Variants in LATS1 observed in about 807,000 individuals in gnomAD.
The protein encoded by LATS1 is serine/threonine-protein kinase LATS1.
A neutral mutation model predicts 106.6 loss-of-function variants in LATS1; 25 were observed. The observed-to-expected ratio is 0.23, with a 90% CI of 0.17 to 0.33. The LOEUF is 0.33. LATS1 is among the 10% of genes least tolerant of loss of function. The pLI, the probability that LATS1 is intolerant of heterozygous loss-of-function variation, is 1.00. For missense variants in LATS1, 1,040 were observed against 1,382.6 expected (o/e 0.75, Z 3.93); for synonymous variants, 465 against 455.6 (o/e 1.02, Z -0.26).
At chr6:149,699,307 TGTCTG>T (rs1007772134) in intron 2 of LATS1, among the ~76,000 whole-genome samples, 2 of 152,124 alleles carry the variant, frequency 1.3e-5, no homozygotes, top group Admixed American at 1.3e-4. Context: ...ACTTCTGCAC[TGTCTG>T]GGAAGTGAGG....
intron 7 of LATS1, among the ~76,000 whole-genome samples, chr6:149,663,324 A>C (rs975395424): frequency 1.3e-5 from 2 of 152,162 alleles, no homozygotes; most frequent in Middle Eastern, 3.2e-3. Context: ...ATCTACAAAA[A>C]ATACAAAAGT....
At chr6:149,690,213 C>CTTTTTTTTT (rs201743580) in intron 3 of LATS1, among the ~76,000 whole-genome samples, 1 of 125,470 alleles carries the variant, frequency 8.0e-6, no homozygotes, top group Non-Finnish European at 1.6e-5. Context: ...TTCTTTTTTT[C>CTTTTTTTTT]TTTTTTTTTT....
chr6:149,667,382 T>C (rs1781207863), intron 7 of LATS1, among the ~76,000 whole-genome samples: 1 of 127,742 alleles, frequency 7.8e-6, no homozygotes, highest in Non-Finnish European at 1.5e-5. Flanking sequence ...GAGGTTGCAG[T>C]GAGCTGAAAT....
In LATS1 at chr6:149,695,054, T is replaced by C. The variant is rs141183859; in HGVS notation, c.496+20A>G. 4,043 of 1,559,792 alleles carry C rather than the reference T, an allele frequency of 2.6e-3. 11 individuals are homozygous for C. The highest frequency in any genetic ancestry group is 3.1e-3 in the Non-Finnish European group (3,597 of 1,157,222). ...CACAGTAAAAGAAGAGATGAGAAAA[T>C]AAAATATTTGATTAATCACCTGGTT... On this transcript the variant is annotated intron_variant, in intron 3 of 7. Coordinates refer to ENST00000543571, the MANE Select transcript of LATS1 (RefSeq NM_004690.4).
At position 149,695,187 on chromosome 6, in the gene LATS1, T is replaced by C. The variant is rs1782987306; in HGVS notation, c.383A>G (p.Asn128Ser). ...MVIQALQKTN[N>S]RSIEAAIEFI... ...TTCAATTGCTGCTTCTATACTTCTG[T>C]TGTTAGTTTTCTGAAGAGCTTGTAT... The change falls in exon 3 of 8, where the codon AAC becomes AGC. Residue 128 changes from asparagine to serine, a missense_variant. Around this residue, in one of 7 missense-constraint regions of LATS1, gnomAD observed 624 missense variants for 714.8 expected, o/e 0.87. Transcript: ENST00000543571. 1 of 1,608,684 alleles carries C rather than the reference T, an allele frequency of 6.2e-7. No individual in the cohort carries two copies. The highest frequency in any genetic ancestry group is 8.5e-7 in the Non-Finnish European group (1 of 1,176,404).
chr6:149,677,934 C>T (rs1225015006), intron 5 of LATS1, among the ~76,000 whole-genome samples: 2 of 151,296 alleles, frequency 1.3e-5, no homozygotes, highest in Non-Finnish European at 2.9e-5. Context: ...GCAGGAGAAT[C>T]GCTTGAGCCC....
chr6:149,699,558 A>G (rs1166742965), intron 2 of LATS1, among the ~76,000 whole-genome samples: 1 of 152,230 alleles, frequency 6.6e-6, no homozygotes, highest in Non-Finnish European at 1.5e-5. Context: ...AATACTTTCA[A>G]TAAAGCAATC....
intron 5 of LATS1, among the ~76,000 whole-genome samples, chr6:149,677,610 C>A (rs1394403138): frequency 6.6e-6 from 1 of 152,050 alleles, no homozygotes; most frequent in Admixed American, 6.6e-5. Flanking sequence ...GTGAAGATAG[C>A]CAGGAAGCAG....
Position 149,660,480 on chromosome 6 carries a change from T to C in LATS1, c.*1249A>G, listed in dbSNP as rs1780845437. 4.3e-6 allele frequency: 1 copy of C among 232,990 alleles called. No homozygotes were observed. Among genetic ancestry groups the C allele is most frequent in the Non-Finnish European group, 8.5e-6 (1 of 117,986 alleles). The allele number at this position is 232,990 out of a possible 1,614,324, so 14.4% of individuals were successfully genotyped here. A position where few individuals can be genotyped will look rare whatever the true frequency, so the allele number is the denominator to read the frequency against. ...TTTGATAAAAACAATCCCTTATCAGTGGAGCTTAAGAAAAGGAAATAAAAC... is the reference window on the plus strand; with the variant it reads ...TTTGATAAAAACAATCCCTTATCAGCGGAGCTTAAGAAAAGGAAATAAAAC... On this transcript the variant is annotated 3_prime_UTR_variant, in exon 8 of 8. Coordinates refer to ENST00000543571, the MANE Select transcript of LATS1 (RefSeq NM_004690.4).
At chr6:149,695,246 A>C in intron 2 of LATS1, 25 bp from the exon 3 acceptor site, 1 of 1,476,146 alleles carries the variant, frequency 6.8e-7, no homozygotes, top group Non-Finnish European at 9.3e-7. Context: ...AGTTTAAAAA[A>C]AAAGAAACAA....
chr6:149,712,089 A>G (rs1274975272), intron 1 of LATS1, among the ~76,000 whole-genome samples: 1 of 152,238 alleles, frequency 6.6e-6, no homozygotes, highest in Non-Finnish European at 1.5e-5. Flanking sequence ...TGTGGATAAT[A>G]GGACCCATGA....
intron 3 of LATS1, among the ~76,000 whole-genome samples, chr6:149,694,318 T>C (rs553956807): frequency 7.2e-5 from 11 of 152,148 alleles, no homozygotes; most frequent in Non-Finnish European, 1.2e-4. Context: ...ATGAAGTATA[T>C]GATACATCTT....
chr6:149,716,647 A>G (rs187746435), intron 1 of LATS1, among the ~76,000 whole-genome samples: 1 of 152,344 alleles, frequency 6.6e-6, no homozygotes, highest in East Asian at 1.9e-4. Context: ...ATGTAGTAGA[A>G]GTATTTTTTG....
chr6:149,666,377 G>C (rs1480842538), intron 7 of LATS1, among the ~76,000 whole-genome samples: 1 of 151,972 alleles, frequency 6.6e-6, no homozygotes, highest in African/African-American at 2.4e-5. Flanking sequence ...CAGCACTTTG[G>C]GAGGCTGAGG....
chr6:149,676,402 A>G, intron 6 of LATS1, 36 bp from the exon 7 acceptor site: 1 of 1,450,826 alleles, frequency 6.9e-7, no homozygotes, highest in Non-Finnish European at 9.6e-7. Context: ...CACTTTAAAA[A>G]TGCTCAGAAT....
At position 149,696,084 on chromosome 6, in the gene LATS1, TTTAG is replaced by T. The variant is rs567895557; in HGVS notation, c.349-867_349-864del. Among the ~76,000 whole-genome samples, 951 of 151,600 alleles carry T rather than the reference TTTAG, an allele frequency of 6.3e-3. 10 individuals carry two copies. Among genetic ancestry groups the T allele is most frequent in the African/African-American group, 0.022 (903 of 41,350 alleles). On this transcript the variant is annotated intron_variant, in intron 2 of 7. Transcript: ENST00000543571. ...CCAGGCCTGGCTTATTTTTTATACT[TTTAG>T]TAGAGACAGCATTTTACCATGTTGG...
intron 7 of LATS1, among the ~76,000 whole-genome samples, chr6:149,670,171 C>CAAAAAAAAAAAAA (rs1177166262): frequency 9.5e-5 from 3 of 31,654 alleles, no homozygotes; most frequent in Non-Finnish European, 1.5e-4. Flanking sequence ...AATTGCATCT[C>CAAAAAAAAAAAAA]AAAAAAAAAA....
rs1030675409 is a variant in LATS1, at chr6:149,660,395, G to C, written c.*1334C>G. The C allele has an allele frequency of 4.3e-6, 1 of 232,892 alleles. No homozygotes were observed. Among genetic ancestry groups the C allele is most frequent in the East Asian group, 6.1e-5 (1 of 16,488 alleles). The allele number at this position is 232,892 out of a possible 1,614,324, so 14.4% of individuals were successfully genotyped here. On this transcript the variant is annotated 3_prime_UTR_variant, in exon 8 of 8. Transcript: ENST00000543571. ...ATACGGTTTCAATTAGCTTTTATGC[G>C]AAGAAAGCTAAAAGTATGAAAATCA...
chr6:149,701,963 C>T lies in LATS1; in HGVS notation c.164G>A (p.Ser55Asn), dbSNP rs1562351113. Reference sequence around the variant, plus strand: ...TCGAGGATCTTCGGTTGACATTTTACTCATGTTATGCTCAGCCTTAGCAGC... The same window carrying T: ...TCGAGGATCTTCGGTTGACATTTTATTCATGTTATGCTCAGCCTTAGCAGC... The part of the protein sequence containing the change: ...SDAAKAEHNM[S>N]KMSTEDPRQV... The change falls in exon 2 of 8, where the codon AGT becomes AAT. Residue 55 changes from serine to asparagine, a missense_variant. Ser to Asn is a conservative substitution (Grantham distance 46, BLOSUM62 1). Transcript: ENST00000543571. 6.2e-7 allele frequency: 1 copy of T among 1,614,064 alleles called. No individual in the cohort carries two copies. Among genetic ancestry groups the T allele is most frequent in the African/African-American group, 1.3e-5 (1 of 74,932 alleles).
Sources: allele counts gnomAD v4.1 joint callset (sites outside exome capture counted in the v4.1 genomes callset), GRCh38; gene constraint gnomAD v4.1.1; regional missense constraint gnomAD v4.1.1; transcripts MANE v1.5; gene names NCBI Gene and HGNC (gene_info 2026-07-23, HGNC 2026-07-21).